The following PPP2R2B variants were observed in gnomAD, a reference collection of about 807,000 sequenced individuals.
PPP2R2B encodes protein phosphatase 2 regulatory subunit Bbeta, also known as serine/threonine-protein phosphatase 2A 55 kDa regulatory subunit B beta isoform.
PPP2R2B carries 5 observed loss-of-function variants against 46.0 expected under a neutral mutation model. The ratio of observed to expected loss-of-function variants is 0.11; its 90% confidence interval spans 0.06 to 0.23. The LOEUF (loss-of-function observed/expected upper bound fraction) is 0.23, where lower values mean the gene tolerates loss of function less well. PPP2R2B is among the 10% of genes least tolerant of loss of function. The pLI is 1.00. For synonymous variants in PPP2R2B, 215 were observed against 206.7 expected (o/e 1.04, Z -0.34); for missense variants, 367 against 575.0 (o/e 0.64, Z 3.70).
intron 2 of PPP2R2B, among the ~76,000 whole-genome samples, chr5:146,755,437 C>G (rs1582029427): frequency 6.6e-6 from 1 of 152,174 alleles, no homozygotes; most frequent in African/African-American, 2.4e-5. Flanking sequence ...CTTAAGAAAG[C>G]CAACTCCTGT....
At position 146,669,838 on chromosome 5, in the gene PPP2R2B, T is replaced by C. The variant is rs144157403; in HGVS notation, c.448-19114A>G. The stretch of plus-strand genomic sequence containing the variant: ...CAGCAGAACTAGGATTCAAATACCA[T>C]CTGAACCTTACAGAGAATGGTCAAT... On this transcript the variant is annotated intron_variant, in intron 5 of 9. Coordinates refer to ENST00000394411, the MANE Select transcript of PPP2R2B (RefSeq NM_181675.4). 1.9e-3 allele frequency among the ~76,000 whole-genome samples: 289 copies of C among 152,322 alleles called. 1 individual carries two copies. The highest frequency in any genetic ancestry group is 6.6e-3 in the African/African-American group (275 of 41,570).
intron 2 of PPP2R2B, among the ~76,000 whole-genome samples, chr5:146,840,666 C>T (rs898641822): frequency 6.6e-6 from 1 of 152,150 alleles, no homozygotes; most frequent in African/African-American, 2.4e-5. Flanking sequence ...TCAAATAGTT[C>T]TATTTTGACT....
chr5:146,964,887 C>T (rs1172070315), intron 1 of PPP2R2B, among the ~76,000 whole-genome samples: 1 of 152,064 alleles, frequency 6.6e-6, no homozygotes, highest in Non-Finnish European at 1.5e-5. Flanking sequence ...TGGGCCTGGT[C>T]CTGCCATCTA....
At chr5:146,675,588 G>A (rs1777656845) in intron 5 of PPP2R2B, among the ~76,000 whole-genome samples, 1 of 152,192 alleles carries the variant, frequency 6.6e-6, no homozygotes, top group African/African-American at 2.4e-5. Flanking sequence ...CATGCTCCCT[G>A]TTAAAGTCTG....
intron 1 of PPP2R2B, among the ~76,000 whole-genome samples, chr5:147,040,168 T>C (rs1477743959): frequency 6.6e-6 from 1 of 152,156 alleles, no homozygotes; most frequent in Non-Finnish European, 1.5e-5. Context: ...TGGGTATCAC[T>C]GGAAGCCTCA....
intron 1 of PPP2R2B, among the ~76,000 whole-genome samples, chr5:146,895,353 C>G (rs1482997016): frequency 6.6e-6 from 1 of 152,232 alleles, no homozygotes; most frequent in Admixed American, 6.5e-5. Context: ...ACTTTCACCA[C>G]AGTGTAGCTC....
intron 2 of PPP2R2B, among the ~76,000 whole-genome samples, chr5:146,840,042 CT>C (rs1759533578): frequency 6.6e-6 from 1 of 152,172 alleles, no homozygotes; most frequent in African/African-American, 2.4e-5. Flanking sequence ...AAACTTGAGA[CT>C]TGTGTAGCTG....
chr5:146,904,652 G>A (rs1336132964), intron 1 of PPP2R2B, among the ~76,000 whole-genome samples: 3 of 152,176 alleles, frequency 2.0e-5, no homozygotes, highest in African/African-American at 4.8e-5. Flanking sequence ...ACATCTGCTT[G>A]AAGTCCTGTA....
intron 7 of PPP2R2B, among the ~76,000 whole-genome samples, chr5:146,634,422 T>C (rs1392581551): frequency 2.0e-5 from 3 of 152,102 alleles, no homozygotes; most frequent in Non-Finnish European, 4.4e-5. Context: ...GCAACCTCTG[T>C]ATCCCAGGTT....
At chr5:146,818,958 T>C (rs1036782090) in intron 2 of PPP2R2B, among the ~76,000 whole-genome samples, 33 of 152,200 alleles carry the variant, frequency 2.2e-4, no homozygotes, top group African/African-American at 7.5e-4. Context: ...GTAAAGATGA[T>C]CATTATGCCT....
chr5:147,072,106 A>G (rs1377669701), intron 2 of PPP2R2B, among the ~76,000 whole-genome samples: 1 of 152,184 alleles, frequency 6.6e-6, no homozygotes, highest in Non-Finnish European at 1.5e-5. Context: ...TGGTCTCTAT[A>G]AGACATTGGA....
intron 6 of PPP2R2B, among the ~76,000 whole-genome samples, chr5:146,650,030 TATA>T (rs1214441678): frequency 1.3e-5 from 2 of 152,318 alleles, no homozygotes; most frequent in South Asian, 2.1e-4. Context: ...ACTGTACAAT[TATA>T]ATATGTACTT....
At chr5:146,641,101 CA>C (rs1775177350) in intron 6 of PPP2R2B, among the ~76,000 whole-genome samples, 1 of 152,194 alleles carries the variant, frequency 6.6e-6, no homozygotes, top group African/African-American at 2.4e-5. Context: ...TAATGCTGAT[CA>C]GGGGCCAGGC....
chr5:146,691,609 A>G (rs554814738), intron 4 of PPP2R2B, among the ~76,000 whole-genome samples: 17 of 152,298 alleles, frequency 1.1e-4, no homozygotes, highest in African/African-American at 4.1e-4. Context: ...TTTAACAGTC[A>G]TAACTCTGGA....
At chr5:146,811,654 G>A (rs1380784717) in intron 2 of PPP2R2B, among the ~76,000 whole-genome samples, 8 of 145,742 alleles carry the variant, frequency 5.5e-5, no homozygotes, top group Non-Finnish European at 1.0e-4. Flanking sequence ...TCCACCTCCC[G>A]GGTTCAAGCA....
intron 7 of PPP2R2B, among the ~76,000 whole-genome samples, chr5:146,617,192 A>G (rs1294372370): frequency 1.3e-5 from 2 of 152,072 alleles, no homozygotes; most frequent in Non-Finnish European, 2.9e-5. Context: ...GTTCATGGAG[A>G]TAGAGAGTAG....
At chr5:146,741,731 G>A (rs1752889182) in intron 2 of PPP2R2B, among the ~76,000 whole-genome samples, 1 of 152,196 alleles carries the variant, frequency 6.6e-6, no homozygotes, top group African/African-American at 2.4e-5. Flanking sequence ...GATACTGACA[G>A]TACACAATTT....
chr5:146,740,780 T>C (rs904858371), intron 2 of PPP2R2B, among the ~76,000 whole-genome samples: 4 of 151,932 alleles, frequency 2.6e-5, no homozygotes, highest in African/African-American at 9.7e-5. Flanking sequence ...TTTGAAAAAA[T>C]GATGGTAGGA....
chr5:146,742,198 A>G (rs1457945195), intron 2 of PPP2R2B, among the ~76,000 whole-genome samples: 1 of 152,178 alleles, frequency 6.6e-6, no homozygotes, highest in Non-Finnish European at 1.5e-5. Flanking sequence ...GTTGGATTTG[A>G]GACTATATTG....
Sources: allele counts gnomAD v4.1 joint callset (sites outside exome capture counted in the v4.1 genomes callset), GRCh38; gene constraint gnomAD v4.1.1; transcripts MANE v1.5; gene names NCBI Gene and HGNC (gene_info 2026-07-23, HGNC 2026-07-21).